Variants in FMNL2 observed in about 807,000 individuals in gnomAD.
FMNL2 encodes formin-like protein 2.
FMNL2 carries 51 observed loss-of-function variants against 130.2 expected under a neutral mutation model. The observed-to-expected ratio is 0.39, with a 90% CI of 0.31 to 0.49. FMNL2 has a LOEUF of 0.49. Ranked by LOEUF, FMNL2 falls within the 20% of genes least tolerant of loss-of-function variation. FMNL2 has a pLI of 0.85. For missense variants in FMNL2, 977 were observed against 1,316.2 expected (o/e 0.74, Z 3.99); for synonymous variants, 465 against 467.1 (o/e 1.00, Z 0.06).
chr2:152,342,470 T>C (rs1354648841), intron 1 of FMNL2, among the ~76,000 whole-genome samples: 2 of 152,196 alleles, frequency 1.3e-5, no homozygotes, highest in Admixed American at 1.3e-4. Flanking sequence ...GGAGTGCCAC[T>C]GCCATCCCTG....
chr2:152,484,457 C>G (rs567233133), intron 1 of FMNL2, among the ~76,000 whole-genome samples: 1 of 151,144 alleles, frequency 6.6e-6, no homozygotes, highest in South Asian at 2.1e-4. Flanking sequence ...CTGGCCAATA[C>G]AGCAAGACTG....
intron 7 of FMNL2, among the ~76,000 whole-genome samples, chr2:152,578,361 C>T (rs1696591062): frequency 6.6e-6 from 1 of 152,104 alleles, no homozygotes; most frequent in East Asian, 1.9e-4. Context: ...TATGTTATAT[C>T]TATTGTATAC....
chr2:152,632,134 G>A lies in FMNL2; in HGVS notation c.2677G>A (p.Ala893Thr), dbSNP rs375105228. ...GCTTCATTATGTGGAAAAAGCTGCT[G>A]CAGGTACTTGATTTCAGCTATTACC... ...NELHYVEKAA[A>T]VSLENVLLDV... Residue 893 changes from alanine to threonine, a missense_variant, in exon 21 of 26, where the codon GCA becomes ACA. Ala to Thr is a moderately conservative substitution (Grantham distance 58). This residue lies in a region of FMNL2 where 689 missense variants were observed against 995.9 expected (regional missense o/e 0.69). Coordinates refer to ENST00000288670, the MANE Select transcript of FMNL2 (RefSeq NM_052905.4). The A allele has an allele frequency of 5.0e-6, 8 of 1,609,480 alleles. No individual in the cohort carries two copies. The highest frequency in any genetic ancestry group is 6.8e-6 in the Non-Finnish European group (8 of 1,178,130).
Position 152,643,747 on chromosome 2 carries a change from G to A in FMNL2, c.3169+2833G>A, listed in dbSNP as rs76421852. 6.0e-3 allele frequency: 5,946 copies of A among 985,392 alleles called. 264 individuals are homozygous for A. The African/African-American group carries it at 0.097, about 16-fold the overall frequency. 61.0% of individuals were successfully genotyped at this position (985,392 alleles called of 1,614,324 possible). A position where few individuals can be genotyped will look rare whatever the true frequency, so the allele number is the denominator to read the frequency against. On this transcript the variant is annotated intron_variant, in intron 25 of 25. Coordinates refer to ENST00000288670, the MANE Select transcript of FMNL2 (RefSeq NM_052905.4). Reference sequence around the variant, plus strand: ...TATTCACATTGCTGTAACAGTCTGGGTGTGTTTGACAGCTGAATTCATAGA... The same window carrying A: ...TATTCACATTGCTGTAACAGTCTGGATGTGTTTGACAGCTGAATTCATAGA...
At chr2:152,457,981 G>T (rs912759625) in intron 1 of FMNL2, among the ~76,000 whole-genome samples, 6 of 152,154 alleles carry the variant, frequency 3.9e-5, no homozygotes, top group Non-Finnish European at 8.8e-5. Context: ...GGATTCATGT[G>T]ATTAGATTGG....
chr2:152,427,921 T>C (rs1297409157), intron 1 of FMNL2, among the ~76,000 whole-genome samples: 1 of 152,190 alleles, frequency 6.6e-6, no homozygotes, highest in Non-Finnish European at 1.5e-5. Context: ...ATATGCAGAG[T>C]ATACTCTACC....
At chr2:152,478,856 G>A (rs1392459730) in intron 1 of FMNL2, among the ~76,000 whole-genome samples, 3 of 152,080 alleles carry the variant, frequency 2.0e-5, no homozygotes, top group Non-Finnish European at 4.4e-5. Context: ...GTAGAATAAA[G>A]ATGAAACTTT....
chr2:152,582,712 G>A (rs1194075239), intron 9 of FMNL2, among the ~76,000 whole-genome samples: 1 of 152,090 alleles, frequency 6.6e-6, no homozygotes, highest in East Asian at 1.9e-4. Flanking sequence ...GTATGTTTGG[G>A]TGGATGGGTT....
chr2:152,628,873 T>C (rs775636272), intron 18 of FMNL2, among the ~76,000 whole-genome samples: 55 of 152,226 alleles, frequency 3.6e-4, no homozygotes, highest in Admixed American at 5.9e-4. Flanking sequence ...CTTCTGGCAG[T>C]GTTGGCAAGA....
chr2:152,562,110 C>T (rs543995714), intron 6 of FMNL2, among the ~76,000 whole-genome samples: 4 of 152,312 alleles, frequency 2.6e-5, no homozygotes, highest in African/African-American at 9.6e-5. Context: ...GTGGATAAAT[C>T]AAACTCCTGC....
At chr2:152,343,127 T>C (rs1681906482) in intron 1 of FMNL2, among the ~76,000 whole-genome samples, 1 of 152,220 alleles carries the variant, frequency 6.6e-6, no homozygotes, top group Non-Finnish European at 1.5e-5. Context: ...CCTTTTTTCT[T>C]TGCAGAAGTT....
At chr2:152,584,694 C>A (rs985381348) in intron 9 of FMNL2, among the ~76,000 whole-genome samples, 2 of 152,144 alleles carry the variant, frequency 1.3e-5, no homozygotes, top group Admixed American at 6.5e-5. Context: ...TCTAATTTGA[C>A]CACCACTAAT....
At position 152,456,743 on chromosome 2, in the gene FMNL2, A is replaced by T. The variant is rs375775204; in HGVS notation, c.118-65200A>T. 1.6e-4 allele frequency among the ~76,000 whole-genome samples: 25 copies of T among 152,124 alleles called. No individual in the cohort carries two copies. In the South Asian group the frequency reaches 5.2e-3, roughly 32 times the overall value. ...CGAATCACGAGGTCAGGAGTTTGAGACCAGCCTGACCAACATGGTGAAACC... is the reference window on the plus strand; with the variant it reads ...CGAATCACGAGGTCAGGAGTTTGAGTCCAGCCTGACCAACATGGTGAAACC... On this transcript the variant is annotated intron_variant, in intron 1 of 25. Coordinates refer to ENST00000288670, the MANE Select transcript of FMNL2 (RefSeq NM_052905.4).
chr2:152,502,879 G>C (rs1290143742), intron 1 of FMNL2, among the ~76,000 whole-genome samples: 2 of 152,106 alleles, frequency 1.3e-5, no homozygotes, highest in South Asian at 4.2e-4. Context: ...AGAGAAGGGG[G>C]TAAGGAGAGG....
intron 7 of FMNL2, among the ~76,000 whole-genome samples, chr2:152,575,778 C>G (rs936872207): frequency 2.0e-5 from 3 of 152,088 alleles, no homozygotes; most frequent in Non-Finnish European, 2.9e-5. Context: ...CAGTGGTTCT[C>G]AAAGGGTTAT....
At chr2:152,607,227 G>C (rs1214736984) in intron 9 of FMNL2, 112 bp from the exon 10 acceptor site, 9 of 875,562 alleles carry the variant, frequency 1.0e-5, no homozygotes, top group Admixed American at 2.2e-5. Context: ...TAGTTTATGA[G>C]AGAGAAAAAG....
chr2:152,575,677 C>T (rs1375871137), intron 7 of FMNL2, among the ~76,000 whole-genome samples: 1 of 152,132 alleles, frequency 6.6e-6, no homozygotes, highest in East Asian at 1.9e-4. Context: ...ACCTAGATTG[C>T]TTGGTGAATG....
At chr2:152,372,403 C>T (rs1422051658) in intron 1 of FMNL2, among the ~76,000 whole-genome samples, 1 of 152,228 alleles carries the variant, frequency 6.6e-6, no homozygotes, top group Non-Finnish European at 1.5e-5. Context: ...AATTGCACAG[C>T]ATGCACCATA....
chr2:152,516,436 C>T (rs1692774617), intron 1 of FMNL2, among the ~76,000 whole-genome samples: 1 of 152,066 alleles, frequency 6.6e-6, no homozygotes, highest in East Asian at 1.9e-4. Flanking sequence ...TCCCTGCTTC[C>T]ATAAGAAGCA....
Sources: gnomAD v4.1 joint callset for allele counts (sites outside exome capture counted in the v4.1 genomes callset) on GRCh38, gnomAD v4.1.1 for gene constraint, gnomAD v4.1.1 regional missense constraint, MANE v1.5 for transcripts, NCBI Gene and HGNC (gene_info 2026-07-23, HGNC 2026-07-21) for gene names.